The following CDKL1 variants were observed in gnomAD, a reference collection of about 807,000 sequenced individuals.
CDKL1 encodes cyclin dependent kinase like 1, also known as cyclin-dependent kinase-like 1.
CDKL1 carries 41 observed loss-of-function variants against 42.0 expected under a neutral mutation model. The observed-to-expected ratio is 0.98, with a 90% confidence interval of 0.76 to 1.27. The LOEUF is 1.27. Among genes scored for constraint, CDKL1 ranks in the 50% most tolerant of loss-of-function variants. The probability of loss-of-function intolerance (pLI) is 0.00; values close to 1 mark genes in which losing one functional copy is unlikely to be tolerated. For synonymous variants in CDKL1, 153 were observed against 158.6 expected (o/e 0.96, Z 0.26); for missense variants, 394 against 428.4 (o/e 0.92, Z 0.71).
chr14:50,388,782 C>T lies in CDKL1; in HGVS notation c.168+6919G>A, dbSNP rs2035162514. 2.6e-5 allele frequency among the ~76,000 whole-genome samples: 4 copies of T among 152,124 alleles called. No homozygotes were observed. In the South Asian group the frequency reaches 8.3e-4, roughly 31 times the overall value. On this transcript the variant is annotated intron_variant, in intron 2 of 9. Transcript: ENST00000395834. The stretch of plus-strand genomic sequence containing the variant: ...CACCAGAGCTTGCCCAAGGTCACTC[C>T]ACAGCTTCAAGCATGATCAGAAACT...
chr14:50,371,846 G>A (rs2034599758), intron 2 of CDKL1, among the ~76,000 whole-genome samples: 1 of 152,244 alleles, frequency 6.6e-6, no homozygotes, highest in South Asian at 2.1e-4. Context: ...TGCTCCTACT[G>A]CCTGACCTCT....
chr14:50,340,006 A>G (rs1433976296), intron 6 of CDKL1, among the ~76,000 whole-genome samples: 2 of 152,114 alleles, frequency 1.3e-5, no homozygotes, highest in South Asian at 2.1e-4. Context: ...AGCAACCAAG[A>G]TATACCCTCA....
chr14:50,330,602 C>A, intron 9 of CDKL1: 1 of 186,982 alleles, frequency 5.3e-6, no homozygotes, highest in Non-Finnish European at 1.1e-5. Flanking sequence ...GCAAATCAAG[C>A]ATGGCACAGT....
At chr14:50,342,779 A>AC (rs1464120544) in intron 4 of CDKL1, 1 of 866,822 alleles carries the variant, frequency 1.2e-6, no homozygotes, top group Admixed American at 4.7e-5. Flanking sequence ...CGTAAACAGG[A>AC]CAAGCCCTGG....
intron 2 of CDKL1, among the ~76,000 whole-genome samples, chr14:50,380,873 C>G (rs1236102357): frequency 6.7e-6 from 1 of 148,898 alleles, no homozygotes; most frequent in African/African-American, 2.5e-5. Context: ...CACTATATAG[C>G]TCTCTGTAGC....
At position 50,330,348 on chromosome 14, in the gene CDKL1, T is replaced by C. The variant is rs986285931; in HGVS notation, c.967-167A>G. On this transcript the variant is annotated intron_variant, in intron 9 of 9. Transcript: ENST00000395834. Reference sequence around the variant, plus strand: ...TTAAATGTTTCAATTTCGTCTTGGCTTTTCCTTTTAAATGTTTATATTAAA... The same window carrying C: ...TTAAATGTTTCAATTTCGTCTTGGCCTTTCCTTTTAAATGTTTATATTAAA... 5.1e-6 allele frequency: 4 copies of C among 788,458 alleles called. No homozygotes were observed. In the African/African-American group the frequency reaches 5.5e-5, roughly 11 times the overall value. 48.8% of individuals were successfully genotyped at this position (788,458 alleles called of 1,614,324 possible).
intron 4 of CDKL1, 97 bp downstream of exon 4, chr14:50,344,889 A>C: frequency 9.7e-7 from 1 of 1,026,750 alleles, no homozygotes; most frequent in Middle Eastern, 2.1e-4. Context: ...TTGGGTAAAA[A>C]ATTTTACCCA....
intron 2 of CDKL1, among the ~76,000 whole-genome samples, chr14:50,365,780 C>T (rs896398614): frequency 1.3e-5 from 2 of 152,184 alleles, no homozygotes; most frequent in East Asian, 3.8e-4. Flanking sequence ...TCAATCTGGA[C>T]GGGCACCATC....
intron 2 of CDKL1, among the ~76,000 whole-genome samples, chr14:50,391,289 T>A (rs2035250302): frequency 6.6e-6 from 1 of 152,184 alleles, no homozygotes; most frequent in South Asian, 2.1e-4. Context: ...GGTCCATGTG[T>A]CATATGCAAA....
intron 3 of CDKL1, among the ~76,000 whole-genome samples, chr14:50,353,213 C>G (rs1443862467): frequency 3.3e-5 from 5 of 152,186 alleles, no homozygotes; most frequent in African/African-American, 9.7e-5. Context: ...TATTGTGACC[C>G]TAATGTCCTA....
At chr14:50,397,113 C>CAA, upstream of CDKL1, 6 of 1,363,118 alleles carry the variant, frequency 4.4e-6, no homozygotes, top group Non-Finnish European at 5.9e-6. Flanking sequence ...CAAACTTCCG[C>CAA]AGGCCGTGCA....
chr14:50,373,154 A>G (rs1018610006), intron 2 of CDKL1, among the ~76,000 whole-genome samples: 7 of 152,108 alleles, frequency 4.6e-5, no homozygotes, highest in Admixed American at 2.0e-4. Context: ...ATATTAATTC[A>G]CTATGTTAAA....
intron 3 of CDKL1, among the ~76,000 whole-genome samples, chr14:50,355,341 C>A (rs1219167053): frequency 1.3e-5 from 2 of 152,114 alleles, no homozygotes; most frequent in Admixed American, 6.5e-5. Flanking sequence ...AGTAGACTTG[C>A]TGGGTTTAAG....
At position 50,341,215 on chromosome 14, in the gene CDKL1, A is replaced by G; in HGVS notation, c.472T>C (p.Tyr158His). 1.2e-6 allele frequency: 2 copies of G among 1,608,610 alleles called. No individual in the cohort carries two copies. Among genetic ancestry groups the G allele is most frequent in the Admixed American group, 1.7e-5 (1 of 59,612 alleles). ...ARLLTGPSDY[Y>H]TDYVATRWYR... is the part of the protein sequence containing the mutation. ...CACCTGGTAGCCACGTAGTCTGTAT[A>G]GTAGTCACTCGGTCCAGCTAGCCAG... The change falls in exon 6 of 10, where the codon TAT becomes CAT. Residue 158 changes from tyrosine (Y) to histidine (H), a missense_variant. By Grantham distance (83) the Tyr-to-His change is moderately conservative. Coordinates refer to ENST00000395834, the MANE Select transcript of CDKL1 (RefSeq NM_004196.7).
At chr14:50,396,670 G>A in intron 1 of CDKL1, 154 bp downstream of exon 1, 1 of 170,284 alleles carries the variant, frequency 5.9e-6, no homozygotes, top group Non-Finnish European at 1.2e-5. Flanking sequence ...AGGCTTGGCC[G>A]CAGGAGACCA....
At chr14:50,380,801 C>CGTTTTTTTTTTT (rs1595363519) in intron 2 of CDKL1, among the ~76,000 whole-genome samples, 2 of 74,408 alleles carry the variant, frequency 2.7e-5, no homozygotes, top group Non-Finnish European at 5.9e-5. Flanking sequence ...GCTGTGACTT[C>CGTTTTTTTTTTT]CTTTTTTTTT....
At chr14:50,350,290 A>G (rs1315459567) in intron 3 of CDKL1, among the ~76,000 whole-genome samples, 3 of 152,330 alleles carry the variant, frequency 2.0e-5, no homozygotes, top group Non-Finnish European at 2.9e-5. Flanking sequence ...TTGTTTCCAC[A>G]TTGGTGGTAA....
chr14:50,375,246 G>A (rs1182341657), intron 2 of CDKL1, among the ~76,000 whole-genome samples: 4 of 151,956 alleles, frequency 2.6e-5, no homozygotes, highest in African/African-American at 9.7e-5. Flanking sequence ...TATATCAAAG[G>A]GATATAATAT....
chr14:50,388,675 G>T (rs2035159587), intron 2 of CDKL1, among the ~76,000 whole-genome samples: 1 of 152,124 alleles, frequency 6.6e-6, no homozygotes, highest in Admixed American at 6.6e-5. Flanking sequence ...AGAGCCCTCT[G>T]CCCTCCTCAG....
Sources: gnomAD v4.1 joint callset for allele counts (sites outside exome capture counted in the v4.1 genomes callset) on GRCh38, gnomAD v4.1.1 for gene constraint, MANE v1.5 for transcripts, NCBI Gene and HGNC (gene_info 2026-07-23, HGNC 2026-07-21) for gene names.